The following ARHGAP26 variants were observed in gnomAD, a reference collection of about 807,000 sequenced individuals.
ARHGAP26 encodes rho GTPase-activating protein 26.
In ARHGAP26, 38 loss-of-function variants were observed where a neutral mutation model predicts 104.8. The ratio of observed to expected loss-of-function variants is 0.36; its 90% confidence interval spans 0.28 to 0.48. The LOEUF is 0.48. Ranked by LOEUF, ARHGAP26 falls within the 20% of genes least tolerant of loss-of-function variation. The pLI, the probability that ARHGAP26 is intolerant of heterozygous loss-of-function variation, is 0.99. For missense variants in ARHGAP26, 704 were observed against 947.9 expected, an observed-to-expected ratio of 0.74 and a Z score of 3.38; for synonymous variants, 341 against 340.0, an observed-to-expected ratio of 1.00 and a Z score of -0.03.
At chr5:143,035,087 C>T (rs1392256806) in intron 12 of ARHGAP26, among the ~76,000 whole-genome samples, 1 of 152,126 alleles carries the variant, frequency 6.6e-6, no homozygotes, top group Non-Finnish European at 1.5e-5. Context: ...ACTTACTATC[C>T]TAGAGGCTGA....
At chr5:143,108,781 C>A (rs1325123164) in intron 17 of ARHGAP26, among the ~76,000 whole-genome samples, 1 of 152,198 alleles carries the variant, frequency 6.6e-6, no homozygotes, top group East Asian at 1.9e-4. Flanking sequence ...TAACATTTCC[C>A]ATGAACCCTT....
intron 11 of ARHGAP26, among the ~76,000 whole-genome samples, chr5:143,006,471 G>T (rs1360479919): frequency 2.0e-5 from 3 of 152,088 alleles, no homozygotes; most frequent in African/African-American, 7.2e-5. Context: ...ATTGGTTCAG[G>T]AATCGGTCTT....
intron 20 of ARHGAP26, chr5:143,194,053 A>C (rs1339152531): frequency 1.3e-5 from 2 of 152,198 alleles, no homozygotes; most frequent in Non-Finnish European, 2.9e-5. Flanking sequence ...CAGTGAAATC[A>C]GCAGGACACT....
intron 20 of ARHGAP26, among the ~76,000 whole-genome samples, chr5:143,179,879 C>T (rs1014455426): frequency 3.3e-5 from 5 of 152,158 alleles, no homozygotes; most frequent in Admixed American, 1.3e-4. Flanking sequence ...TGCCTCTCAC[C>T]AAGGTTACCA....
chr5:143,202,609 G>A (rs913333574), intron 20 of ARHGAP26: 12 of 152,212 alleles, frequency 7.9e-5, no homozygotes, highest in Admixed American at 2.0e-4. Flanking sequence ...AAAAGAGCCC[G>A]TATAGCCAAG....
At chr5:143,082,864 GTT>G (rs1790015320) in intron 17 of ARHGAP26, among the ~76,000 whole-genome samples, 2 of 152,184 alleles carry the variant, frequency 1.3e-5, no homozygotes, top group African/African-American at 2.4e-5. Flanking sequence ...GTTTAAAAGA[GTT>G]TTCCTTTTCT....
intron 17 of ARHGAP26, among the ~76,000 whole-genome samples, chr5:143,101,470 C>T (rs1263428576): frequency 6.6e-6 from 1 of 152,068 alleles, no homozygotes; most frequent in Non-Finnish European, 1.5e-5. Flanking sequence ...TTTTTATTAA[C>T]AAAAGGTGAT....
At chr5:142,917,539 G>T in intron 10 of ARHGAP26, among the ~76,000 whole-genome samples, 1 of 152,158 alleles carries the variant, frequency 6.6e-6, no homozygotes, top group East Asian at 1.9e-4. Context: ...CAGCAAATTT[G>T]CCTCTCTTCT....
chr5:143,027,128 C>T (rs1781165852), intron 12 of ARHGAP26, among the ~76,000 whole-genome samples: 1 of 151,406 alleles, frequency 6.6e-6, no homozygotes, highest in Non-Finnish European at 1.5e-5. Flanking sequence ...CACATTAGGA[C>T]TTGAGCTCCC....
At chr5:143,026,150 G>A (rs1781022187) in intron 12 of ARHGAP26, among the ~76,000 whole-genome samples, 1 of 152,172 alleles carries the variant, frequency 6.6e-6, no homozygotes, top group Non-Finnish European at 1.5e-5. Context: ...CACTATTCAA[G>A]GCTCCTGGAA....
intron 12 of ARHGAP26, among the ~76,000 whole-genome samples, chr5:143,022,391 A>C (rs1369030399): frequency 6.6e-6 from 1 of 152,168 alleles, no homozygotes; most frequent in Non-Finnish European, 1.5e-5. Context: ...GATTTTACAA[A>C]TGTTATTGCT....
chr5:142,870,630 A>C (rs547456607), intron 1 of ARHGAP26, among the ~76,000 whole-genome samples: 1 of 152,344 alleles, frequency 6.6e-6, no homozygotes, highest in African/African-American at 2.4e-5. Flanking sequence ...TAGCCCAGCT[A>C]TACCTAGAAC....
intron 1 of ARHGAP26, among the ~76,000 whole-genome samples, chr5:142,826,558 G>C (rs549467876): frequency 6.6e-6 from 1 of 152,360 alleles, no homozygotes; most frequent in East Asian, 1.9e-4. Flanking sequence ...GGCTTGGGTT[G>C]TCCGTAGGGG....
At chr5:142,878,869 A>T (rs1756516766) in intron 3 of ARHGAP26, among the ~76,000 whole-genome samples, 1 of 152,168 alleles carries the variant, frequency 6.6e-6, no homozygotes, top group Non-Finnish European at 1.5e-5. Context: ...CAGGAGGCAC[A>T]GGTGTCCTGG....
chr5:142,860,439 G>T (rs1291223531), intron 1 of ARHGAP26: 1 of 152,196 alleles, frequency 6.6e-6, no homozygotes, highest in Non-Finnish European at 1.5e-5. Context: ...TCCAGCCTAG[G>T]ACTGTAGTCC....
intron 16 of ARHGAP26, among the ~76,000 whole-genome samples, chr5:143,057,036 T>C (rs766336338): frequency 2.6e-5 from 4 of 152,176 alleles, no homozygotes; most frequent in Non-Finnish European, 5.9e-5. Flanking sequence ...TTTGCCAGAG[T>C]AACAAAGCCA....
chr5:142,953,319 G>C (rs183871302), intron 11 of ARHGAP26, among the ~76,000 whole-genome samples: 1 of 152,266 alleles, frequency 6.6e-6, no homozygotes, highest in East Asian at 1.9e-4. Flanking sequence ...CAAACAGATT[G>C]GTCACCTGCA....
At chr5:142,967,981 G>A (rs556268623) in intron 11 of ARHGAP26, among the ~76,000 whole-genome samples, 1 of 152,240 alleles carries the variant, frequency 6.6e-6, no homozygotes, top group African/African-American at 2.4e-5. Context: ...CCTTGGATCA[G>A]GCTTGTACTC....
At position 143,224,499 on chromosome 5, in the gene ARHGAP26, T is replaced by C. The variant is rs919811921; in HGVS notation, c.*2053T>C. 3.9e-5 allele frequency: 9 copies of C among 230,256 alleles called. No homozygotes were observed. Among genetic ancestry groups the C allele is most frequent in the Middle Eastern group, 1.3e-3 (1 of 796 alleles). The allele number at this position is 230,256 out of a possible 1,614,324, so 14.3% of individuals were successfully genotyped here. A position where few individuals can be genotyped will look rare whatever the true frequency, so the allele number is the denominator to read the frequency against. On this transcript the variant is annotated 3_prime_UTR_variant, in exon 23 of 23. Transcript: ENST00000645722. ...AGATGAAGCTCAGGATTTAAATAAG[T>C]GGGGTCAGGCATTCGAGTTTTTGTC...
Sources: allele counts gnomAD v4.1 joint callset (sites outside exome capture counted in the v4.1 genomes callset), GRCh38; gene constraint gnomAD v4.1.1; transcripts MANE v1.5; gene names NCBI Gene and HGNC (gene_info 2026-07-23, HGNC 2026-07-21).